CHD7: variants seen among roughly 807,000 people sequenced by gnomAD.
CHD7 encodes chromodomain helicase DNA binding protein 7.
A neutral mutation model predicts 307.3 loss-of-function variants in CHD7; 24 were observed. The ratio of observed to expected loss-of-function variants is 0.08; its 90% CI spans 0.06 to 0.11. CHD7 has a LOEUF of 0.11. Ranked by LOEUF, CHD7 falls within the 10% of genes least tolerant of loss-of-function variation. CHD7 has a pLI of 1.00. For synonymous variants in CHD7, 1,363 were observed against 1,349.9 expected (o/e 1.01, Z -0.21); for missense variants, 3,106 against 3,727.1 (o/e 0.83, Z 4.34).
At chr8:60,850,749 G>C (rs1181470894) in intron 26 of CHD7, 127 bp downstream of exon 26, 1 of 945,200 alleles carries the variant, frequency 1.1e-6, no homozygotes, top group Non-Finnish European at 1.6e-6. Flanking sequence ...ATGTTTACCA[G>C]TCTACTCTAT....
At chr8:60,822,189 T>C in intron 11 of CHD7, 44 bp downstream of exon 11, 1 of 1,517,672 alleles carries the variant, frequency 6.6e-7, no homozygotes, top group East Asian at 2.3e-5. Context: ...ATATCTGTAG[T>C]TCCTTTCCTT....
chr8:60,841,609 C>A, intron 19 of CHD7, 35 bp from the exon 20 acceptor site: 1 of 1,494,896 alleles, frequency 6.7e-7, no homozygotes, highest in Non-Finnish European at 9.3e-7. Context: ...CTGAGAAAGG[C>A]CTCTCAAAGT....
chr8:60,732,216 C>A (rs1042539539), intron 1 of CHD7, among the ~76,000 whole-genome samples: 31 of 152,228 alleles, frequency 2.0e-4, no homozygotes, highest in African/African-American at 7.2e-4. Flanking sequence ...TAAACTCCCC[C>A]AGAATATGAA....
Position 60,822,125 on chromosome 8 carries a change from A to T in CHD7, c.2937A>T (p.Leu979=). Residue 979 remains leucine, a synonymous_variant, in exon 11 of 38, where the codon CTA becomes CTT. Transcript: ENST00000423902. ...REYQLEGVNW[L]LFNWYNMRNC... Reference sequence around the variant, plus strand: ...ACCAGTTGGAGGGAGTAAACTGGCTACTTTTCAATTGGTACAACATGTATG... The same window carrying T: ...ACCAGTTGGAGGGAGTAAACTGGCTTCTTTTCAATTGGTACAACATGTATG... 1 of 1,613,570 alleles carries T rather than the reference A, an allele frequency of 6.2e-7. No individual in the cohort carries two copies.
chr8:60,803,156 G>A (rs1812390326), intron 6 of CHD7, among the ~76,000 whole-genome samples: 1 of 152,158 alleles, frequency 6.6e-6, no homozygotes, highest in Non-Finnish European at 1.5e-5. Flanking sequence ...TAGATATACA[G>A]TAAAATTTAA....
intron 19 of CHD7, among the ~76,000 whole-genome samples, chr8:60,839,149 C>T (rs952115894): frequency 2.6e-5 from 4 of 152,152 alleles, no homozygotes; most frequent in African/African-American, 9.7e-5. Context: ...ACAGATTTGC[C>T]TTCTCTGGAC....
chr8:60,867,912 G>A lies in CHD7; in HGVS notation c.*1979G>A, dbSNP rs531254294. 19 of 152,276 alleles carry A rather than the reference G, an allele frequency of 1.2e-4. No individual in the cohort carries two copies. Among genetic ancestry groups the A allele is most frequent in the Non-Finnish European group, 2.2e-4 (15 of 68,026 alleles). 9.4% of individuals were successfully genotyped at this position (152,276 alleles called of 1,614,324 possible). A position where few individuals can be genotyped will look rare whatever the true frequency, so the allele number is the denominator to read the frequency against. On this transcript the variant is annotated 3_prime_UTR_variant, in exon 38 of 38. Coordinates refer to ENST00000423902, the MANE Select transcript of CHD7 (RefSeq NM_017780.4). ...TTTTGAAAGGGAATTATTTGAACAC[G>A]GGAAAGTGAAACTAGGTCTGCATGA...
At chr8:60,747,325 G>A (rs367964725) in intron 2 of CHD7, among the ~76,000 whole-genome samples, 47 of 152,008 alleles carry the variant, frequency 3.1e-4, no homozygotes, top group African/African-American at 1.0e-3. Context: ...TGATCCACCC[G>A]CTGTGGCCTC....
intron 3 of CHD7, among the ~76,000 whole-genome samples, chr8:60,783,244 C>T (rs916550628): frequency 2.0e-5 from 3 of 152,154 alleles, no homozygotes; most frequent in African/African-American, 7.2e-5. Context: ...TTAGCATACC[C>T]TTACCTCTTG....
intron 32 of CHD7, 134 bp downstream of exon 32, chr8:60,854,657 A>C: frequency 1.4e-6 from 1 of 695,928 alleles, no homozygotes; most frequent in South Asian, 4.5e-5. Flanking sequence ...GATTTTTCTT[A>C]TACTTTTAAA....
At chr8:60,761,347 TGGGGGGAG>T (rs1810192679) in intron 2 of CHD7, among the ~76,000 whole-genome samples, 1 of 64,632 alleles carries the variant, frequency 1.5e-5, no homozygotes, top group Admixed American at 2.5e-4. Context: ...TGTTGTGGGG[TGGGGGGAG>T]GGGGGAGGGA....
chr8:60,800,281 C>T, intron 4 of CHD7, 107 bp from the exon 5 acceptor site: 1 of 1,091,800 alleles, frequency 9.2e-7, no homozygotes, highest in South Asian at 1.7e-5. Flanking sequence ...ATCCGCCCGC[C>T]TCGGCCTCCC....
intron 19 of CHD7, among the ~76,000 whole-genome samples, 153 bp from the exon 20 acceptor site, chr8:60,841,491 A>G (rs1002852497): frequency 6.6e-6 from 1 of 152,204 alleles, no homozygotes; most frequent in Non-Finnish European, 1.5e-5. Context: ...GAGCTGCCTG[A>G]GGGCCAGTCT....
At chr8:60,828,021 A>G (rs1804334006) in intron 13 of CHD7, among the ~76,000 whole-genome samples, 2 of 152,158 alleles carry the variant, frequency 1.3e-5, no homozygotes, top group Non-Finnish European at 2.9e-5. Context: ...GTATAACTGC[A>G]TGAGGAAAGC....
intron 1 of CHD7, among the ~76,000 whole-genome samples, chr8:60,735,317 A>C (rs1264991237): frequency 6.6e-6 from 1 of 152,232 alleles, no homozygotes. Context: ...ATACGATGTC[A>C]GTGGTTTTCC....
intron 1 of CHD7, among the ~76,000 whole-genome samples, chr8:60,714,014 T>C (rs1019365805): frequency 6.6e-6 from 1 of 151,664 alleles, no homozygotes; most frequent in African/African-American, 2.4e-5. Flanking sequence ...AAAAAAGGCA[T>C]GCCTTCATTC....
chr8:60,699,154 G>T (rs1410511595), intron 1 of CHD7, among the ~76,000 whole-genome samples: 1 of 152,256 alleles, frequency 6.6e-6, no homozygotes, highest in Non-Finnish European at 1.5e-5. Context: ...ATAAAAGATT[G>T]TGAAAGTATG....
At chr8:60,828,925 A>G (rs542022747) in intron 14 of CHD7, 119 bp downstream of exon 14, 11 of 838,928 alleles carry the variant, frequency 1.3e-5, no homozygotes, top group East Asian at 2.7e-5. Flanking sequence ...CCTAGTACAC[A>G]GAACCTTAGA....
At chr8:60,831,616 A>C (rs957009050) in intron 15 of CHD7, among the ~76,000 whole-genome samples, 5 of 151,856 alleles carry the variant, frequency 3.3e-5, no homozygotes, top group Non-Finnish European at 1.5e-5. Flanking sequence ...GCAACACTGC[A>C]TAAAAAGGAT....
Sources: allele counts gnomAD v4.1 joint callset (sites outside exome capture counted in the v4.1 genomes callset), GRCh38; gene constraint gnomAD v4.1.1; transcripts MANE v1.5; gene names NCBI Gene and HGNC (gene_info 2026-07-23, HGNC 2026-07-21).